The following BCL11A variants were observed in gnomAD, a reference collection of about 807,000 sequenced individuals.
BCL11A encodes the protein BCL11 transcription factor A, also known as B cell CLL/lymphoma 11A.
Under a neutral mutation model 55.9 loss-of-function variants are expected in BCL11A, and 2 were observed. That is an observed-to-expected ratio of 0.04 (90% CI 0.01 to 0.11). The LOEUF (loss-of-function observed/expected upper bound fraction) is 0.11. Among genes scored for constraint, BCL11A ranks in the 10% least tolerant of loss-of-function variants. BCL11A has a pLI of 1.00. For synonymous variants in BCL11A, 465 were observed against 473.4 expected (o/e 0.98, Z 0.23); for missense variants, 817 against 1,137.1 (o/e 0.72, Z 4.05).
chr2:60,468,088 T>TGGTG (rs1558621167), intron 3 of BCL11A, among the ~76,000 whole-genome samples: 10 of 12,816 alleles, frequency 7.8e-4, no homozygotes, highest in South Asian at 2.6e-3. Context: ...TGGTGGTGGT[T>TGGTG]GTGGTGGTGG....
At position 60,462,160 on chromosome 2, in the gene BCL11A, G is replaced by A. The variant is rs776057428; in HGVS notation, c.752C>T (p.Ala251Val). ...AAAGCGCCCTTCTGCCAGGCCGGAA[G>A]CCTCTCTCGATACTGATCCTGGTAT... is the stretch of plus-strand genomic sequence containing the variant. ...LRIPGSVSREASGLAEGRFPP... is the reference protein window; with the variant it reads ...LRIPGSVSREVSGLAEGRFPP... Residue 251 changes from alanine (A) to valine (V), a missense_variant, in exon 4 of 4, where the codon GCT becomes GTT. Ala to Val is a moderately conservative substitution (Grantham distance 64). This residue lies in a region of BCL11A where 363 missense variants were observed against 486.6 expected (regional missense o/e 0.75). Transcript: ENST00000642384. 1 of 1,571,710 alleles carries A rather than the reference G, an allele frequency of 6.4e-7. No homozygotes were observed.
At chr2:60,469,601 T>C (rs540079455) in intron 2 of BCL11A, among the ~76,000 whole-genome samples, 1 of 152,332 alleles carries the variant, frequency 6.6e-6, no homozygotes, top group Non-Finnish European at 1.5e-5. Context: ...TGACCCATCT[T>C]CACCATTTTA....
At position 60,530,640 on chromosome 2, in the gene BCL11A, A is replaced by C. The variant is rs2457662; in HGVS notation, c.385+15331T>G. ...TTATTTTTTTGCCTTTAGCCAAAAG[A>C]CCAGGGAGCATTTGATGTACAGTCA... On this transcript the variant is annotated intron_variant, in intron 2 of 3. Coordinates refer to ENST00000642384, the MANE Select transcript of BCL11A (RefSeq NM_022893.4). 1.2e-3 allele frequency among the ~76,000 whole-genome samples: 182 copies of C among 150,398 alleles called. 3 individuals are homozygous for C. The East Asian group carries it at 0.032, about 27-fold the overall frequency.
At chr2:60,468,993 T>G (rs1677046793) in intron 2 of BCL11A, among the ~76,000 whole-genome samples, 160 bp from the exon 3 acceptor site, 1 of 152,190 alleles carries the variant, frequency 6.6e-6, no homozygotes, top group African/African-American at 2.4e-5. Context: ...AGAAGAGTGG[T>G]GAGTTATTTC....
chr2:60,533,948 A>C (rs1259227612), intron 2 of BCL11A: 2 of 152,246 alleles, frequency 1.3e-5, no homozygotes, highest in Non-Finnish European at 2.9e-5. Context: ...TTTCTTACAC[A>C]CTGTTCATTT....
intron 2 of BCL11A, among the ~76,000 whole-genome samples, chr2:60,501,015 C>T (rs867411935): frequency 6.6e-6 from 1 of 152,168 alleles, no homozygotes; most frequent in Non-Finnish European, 1.5e-5. Context: ...ATGGGAGAAC[C>T]CTGAACTGCT....
chr2:60,480,821 C>G (rs1289699161), intron 2 of BCL11A, among the ~76,000 whole-genome samples: 1 of 152,158 alleles, frequency 6.6e-6, no homozygotes, highest in African/African-American at 2.4e-5. Context: ...TTTGTTTTAG[C>G]AATCCTCCAC....
chr2:60,502,927 G>T (rs1405276881), intron 2 of BCL11A, among the ~76,000 whole-genome samples: 1 of 152,166 alleles, frequency 6.6e-6, no homozygotes, highest in Non-Finnish European at 1.5e-5. Context: ...GGTCTGTCTG[G>T]GGCTCCCAGA....
chr2:60,480,626 T>A (rs1677895616), intron 2 of BCL11A, among the ~76,000 whole-genome samples: 1 of 152,174 alleles, frequency 6.6e-6, no homozygotes, highest in African/African-American at 2.4e-5. Context: ...ACTGTACTAT[T>A]TTGGCAATCT....
chr2:60,501,375 G>A (rs950576401), intron 2 of BCL11A, among the ~76,000 whole-genome samples: 2 of 152,112 alleles, frequency 1.3e-5, no homozygotes, highest in Non-Finnish European at 2.9e-5. Context: ...GGTCCTTTGG[G>A]GGAAATGAAG....
chr2:60,519,794 C>A (rs147343582), intron 2 of BCL11A, among the ~76,000 whole-genome samples: 1 of 152,204 alleles, frequency 6.6e-6, no homozygotes, highest in African/African-American at 2.4e-5. Context: ...CCAGTCACAT[C>A]CTGTATTCTC....
rs530547743 is a variant in BCL11A, at chr2:60,457,788, C to T, written c.*2616G>A. The T allele has an allele frequency of 7.3e-5, 76 of 1,038,438 alleles. No individual in the cohort carries two copies. The highest frequency in any genetic ancestry group is 1.1e-4 in the Admixed American group (2 of 17,404). 64.3% of individuals were successfully genotyped at this position (1,038,438 alleles called of 1,614,324 possible). On this transcript the variant is annotated 3_prime_UTR_variant, in exon 4 of 4. Coordinates refer to ENST00000642384, the MANE Select transcript of BCL11A (RefSeq NM_022893.4). ...AAAAGCACACTACATAACAAACCAA[C>T]GTTATTAGCTTGCAGTACTGCATAC...
intron 2 of BCL11A, chr2:60,541,637 T>C (rs1281339420): frequency 1.2e-5 from 4 of 340,056 alleles, no homozygotes; most frequent in Non-Finnish European, 1.6e-5. Context: ...CTCACAAACA[T>C]AGGCTCCCTA....
Position 60,459,066 on chromosome 2 carries a change from C to A in BCL11A, c.*1338G>T. 9.9e-7 allele frequency: 1 copy of A among 1,014,092 alleles called. No individual in the cohort carries two copies. Among genetic ancestry groups the A allele is most frequent in the Non-Finnish European group, 1.2e-6 (1 of 843,432 alleles). 62.8% of individuals were successfully genotyped at this position (1,014,092 alleles called of 1,614,324 possible). A position where few individuals can be genotyped will look rare whatever the true frequency, so the allele number is the denominator to read the frequency against. On this transcript the variant is annotated 3_prime_UTR_variant, in exon 4 of 4. Transcript: ENST00000642384. Reference sequence around the variant, plus strand: ...AATTCATAGTTAATCATCATTGTATCAATATTAGCTTATATACCTGTTCTA... The same window carrying A: ...AATTCATAGTTAATCATCATTGTATAAATATTAGCTTATATACCTGTTCTA...
rs947575347 is a variant in BCL11A at position 60,458,072 on chromosome 2, T to G, written c.*2332A>C. ...CTACCAAAAAAGGTACATTGATACC[T>G]TTTAAGAGAACAAGCAACAGTTAAA... On this transcript the variant is annotated 3_prime_UTR_variant, in exon 4 of 4. Transcript: ENST00000642384. The G allele has an allele frequency of 1.4e-5, 14 of 1,033,394 alleles. No homozygotes were observed. Among genetic ancestry groups the G allele is most frequent in the Non-Finnish European group, 1.6e-5 (14 of 858,666 alleles). The allele number at this position is 1,033,394 out of a possible 1,614,324, so 64.0% of individuals were successfully genotyped here.
At chr2:60,544,408 A>G (rs905365624) in intron 2 of BCL11A, 1 of 152,170 alleles carries the variant, frequency 6.6e-6, no homozygotes, top group Non-Finnish European at 1.5e-5. Flanking sequence ...GGTAGGGGAG[A>G]TAAAATCTTC....
intron 2 of BCL11A, among the ~76,000 whole-genome samples, chr2:60,516,892 C>G (rs1407573401): frequency 1.3e-5 from 2 of 152,156 alleles, no homozygotes; most frequent in Non-Finnish European, 2.9e-5. Context: ...GGAAAACCAG[C>G]AGATTCTAAA....
intron 2 of BCL11A, among the ~76,000 whole-genome samples, chr2:60,479,767 C>CTT (rs1274283878): frequency 6.6e-6 from 1 of 152,188 alleles, no homozygotes; most frequent in Non-Finnish European, 1.5e-5. Flanking sequence ...TTTAAAGAGG[C>CTT]TTATTACATG....
downstream of BCL11A, among the ~76,000 whole-genome samples, chr2:60,454,152 AG>A (rs1279734299): frequency 6.6e-6 from 1 of 152,174 alleles, no homozygotes; most frequent in Non-Finnish European, 1.5e-5. Context: ...ACGAGATGCC[AG>A]CAAGCAGAAG....
Sources: allele counts gnomAD v4.1 joint callset (sites outside exome capture counted in the v4.1 genomes callset), GRCh38; gene constraint gnomAD v4.1.1; regional missense constraint gnomAD v4.1.1; transcripts MANE v1.5; gene names NCBI Gene and HGNC (gene_info 2026-07-23, HGNC 2026-07-21).